The following CLDN16 variants were observed in gnomAD, a reference collection of about 807,000 sequenced individuals.
CLDN16 encodes claudin 16.
A neutral mutation model predicts 24.6 loss-of-function variants in CLDN16; 13 were observed. The ratio of observed to expected loss-of-function variants is 0.53; its 90% CI spans 0.34 to 0.84. The LOEUF is 0.84. Ranked by LOEUF, CLDN16 falls within the 40% of genes least tolerant of loss-of-function variation. CLDN16 has a pLI of 0.01. For synonymous variants in CLDN16, 116 were observed against 106.7 expected, an observed-to-expected ratio of 1.09 and a Z score of -0.54; for missense variants, 298 against 292.7, an observed-to-expected ratio of 1.02 and a Z score of -0.13.
intron 1 of CLDN16, among the ~76,000 whole-genome samples, chr3:190,401,037 T>C (rs1718948178): frequency 6.6e-6 from 1 of 152,192 alleles, no homozygotes; most frequent in Non-Finnish European, 1.5e-5. Context: ...AGAAAAATAA[T>C]AATATGCTAA....
At position 190,330,431 on chromosome 3, in the gene CLDN16, A is replaced by G. The variant is rs527425815; in HGVS notation, n.121+7770A>G. 1.2e-4 allele frequency among the ~76,000 whole-genome samples: 19 copies of G among 152,308 alleles called. 1 individual carries two copies. The highest frequency in any genetic ancestry group is 4.6e-4 in the African/African-American group (19 of 41,568). On this transcript the variant is annotated intron_variant and non_coding_transcript_variant, in intron 1 of 4. Transcript: ENST00000468220. ...AAGCATGAGCTGTAGCTTCAGATTG[A>G]TGCATTCCAATCTTGGCTTTGCTGG... is the stretch of plus-strand genomic sequence containing the variant.
In CLDN16 at chr3:190,402,337, G is replaced by T. The variant is rs1278876951; in HGVS notation, c.115G>T (p.Val39Leu). ...ACACGGTGTCTTCTCTAACATCTAG[G>T]TGAGCACAAAATGCCGAGGCCTCTG... ...WMVNADDSLE[V>L]STKCRGLWWE... The change falls in exon 2 of 5, where the codon GTG becomes TTG. Residue 39 changes from valine to leucine, a missense_variant and splice_region_variant. Val to Leu is a conservative substitution (Grantham distance 32). Coordinates refer to ENST00000264734, the MANE Select transcript of CLDN16 (RefSeq NM_006580.4). 6.2e-7 allele frequency: 1 copy of T among 1,612,782 alleles called. No individual in the cohort carries two copies. The highest frequency in any genetic ancestry group is 1.1e-5 in the South Asian group (1 of 91,042).
At chr3:190,307,067 G>A in the CLDN16 span, 21,830 of 152,664 alleles carry the variant, frequency 0.14, 1,600 homozygotes, top group Admixed American at 0.16. Context: ...TTCAAAGAAT[G>A]AGAGTAATAT....
At chr3:190,366,166 C>T (rs1399158929) in intron 1 of CLDN16, among the ~76,000 whole-genome samples, 5 of 151,840 alleles carry the variant, frequency 3.3e-5, no homozygotes, top group African/African-American at 1.2e-4. Flanking sequence ...TTTTGTATGC[C>T]GCCTCTGACA....
At chr3:190,391,216 T>G (rs1299914856) in intron 1 of CLDN16, among the ~76,000 whole-genome samples, 3 of 151,754 alleles carry the variant, frequency 2.0e-5, no homozygotes, top group African/African-American at 7.2e-5. Context: ...CAGTTTTTTT[T>G]TTTTTTTTTA....
At chr3:190,388,133 C>T (rs1718551618), upstream of CLDN16, 2 of 1,613,778 alleles carry the variant, frequency 1.2e-6, no homozygotes, top group African/African-American at 1.3e-5. Context: ...ACCTCCAGGA[C>T]CCCACTGTTG....
the CLDN16 span, among the ~76,000 whole-genome samples, chr3:190,296,771 C>T: frequency 6.6e-5 from 10 of 151,904 alleles, no homozygotes; most frequent in Non-Finnish European, 1.0e-4. Context: ...AGGATGGTCT[C>T]GATCTCCTGA....
the CLDN16 span, among the ~76,000 whole-genome samples, chr3:190,311,809 A>G: frequency 6.6e-6 from 1 of 151,862 alleles, no homozygotes. Context: ...GTAAGTATAC[A>G]TACACTATAA....
At chr3:190,313,039 G>C in the CLDN16 span, 1 of 1,614,048 alleles carries the variant, frequency 6.2e-7, no homozygotes, top group African/African-American at 1.3e-5. Context: ...CAATGTGCCT[G>C]GCAGAAAACA....
chr3:190,371,775 T>C (rs752533466), intron 2 of CLDN16, among the ~76,000 whole-genome samples: 2 of 151,996 alleles, frequency 1.3e-5, no homozygotes, highest in Non-Finnish European at 2.9e-5. Context: ...GCTGGTAATT[T>C]GCTCATTCCT....
intron 3 of CLDN16, among the ~76,000 whole-genome samples, chr3:190,381,886 A>G (rs979324622): frequency 7.9e-5 from 12 of 152,090 alleles, no homozygotes; most frequent in South Asian, 6.2e-4. Flanking sequence ...TACCATTTGC[A>G]TAGTCTTTTT....
chr3:190,374,294 T>C (rs2108649223), intron 2 of CLDN16, among the ~76,000 whole-genome samples: 1 of 151,492 alleles, frequency 6.6e-6, no homozygotes, highest in Non-Finnish European at 1.5e-5. Flanking sequence ...TGTGTGTGTG[T>C]GTGTGTGTGT....
intron 2 of CLDN16, among the ~76,000 whole-genome samples, chr3:190,372,363 C>A (rs915771360): frequency 6.6e-6 from 1 of 151,824 alleles, no homozygotes; most frequent in Non-Finnish European, 1.5e-5. Flanking sequence ...TAGTATTGAG[C>A]CTGGCACAGT....
At chr3:190,308,340 G>T in the CLDN16 span, 2 of 1,613,862 alleles carry the variant, frequency 1.2e-6, no homozygotes, top group Non-Finnish European at 1.7e-6. Flanking sequence ...TTGGGTAAGA[G>T]GTTGTTTTTC....
upstream of CLDN16, among the ~76,000 whole-genome samples, chr3:190,321,717 C>A (rs1004831202): frequency 6.6e-6 from 1 of 152,142 alleles, no homozygotes; most frequent in Non-Finnish European, 1.5e-5. Flanking sequence ...CAACTCGAAC[C>A]ACCAGCATAG....
At chr3:190,354,466 T>A (rs550349419) in intron 1 of CLDN16, among the ~76,000 whole-genome samples, 1 of 152,126 alleles carries the variant, frequency 6.6e-6, no homozygotes, top group African/African-American at 2.4e-5. Context: ...GAAGACACAC[T>A]CTTTTCTTTA....
Position 190,409,253 on chromosome 3 carries a change from C to CATGTATATATGCACACACGTATATGT in CLDN16, c.575-633_575-632insCGTATATGTATGTATATATGCACACA, listed in dbSNP as rs1560100173. ...ATGTATATATGCACACACGTATATG[C>CATGTATATATGCACACACGTATATGT]ATGTATATATGCACACATGTATATG... On this transcript the variant is annotated intron_variant, in intron 4 of 4. Coordinates refer to ENST00000264734, the MANE Select transcript of CLDN16 (RefSeq NM_006580.4). 8.8e-3 allele frequency among the ~76,000 whole-genome samples: 946 copies of CATGTATATATGCACACACGTATATGT among 107,062 alleles called. 13 individuals are homozygous for CATGTATATATGCACACACGTATATGT. Among genetic ancestry groups the CATGTATATATGCACACACGTATATGT allele is most frequent in the African/African-American group, 0.025 (571 of 23,108 alleles). The allele number at this position is 107,062 out of a possible 152,430, so 70.2% of individuals were successfully genotyped here. A position where few individuals can be genotyped will look rare whatever the true frequency, so the allele number is the denominator to read the frequency against.
chr3:190,335,643 C>T (rs1247917330), intron 1 of CLDN16, among the ~76,000 whole-genome samples: 4 of 131,156 alleles, frequency 3.0e-5, no homozygotes, highest in South Asian at 5.0e-4. Flanking sequence ...ACCCAGGAGG[C>T]GGAGCTTGCA....
At chr3:190,357,789 A>C (rs1717807874) in intron 1 of CLDN16, among the ~76,000 whole-genome samples, 1 of 151,920 alleles carries the variant, frequency 6.6e-6, no homozygotes, top group South Asian at 2.1e-4. Flanking sequence ...ATCAAACCAC[A>C]GCCTGCCTAA....
Sources: allele counts gnomAD v4.1 joint callset (sites outside exome capture counted in the v4.1 genomes callset), GRCh38; gene constraint gnomAD v4.1.1; transcripts MANE v1.5; gene names NCBI Gene and HGNC (gene_info 2026-07-23, HGNC 2026-07-21).